COL4A5: variants seen among roughly 807,000 people sequenced by gnomAD.
COL4A5 encodes collagen alpha-5(IV) chain.
Under a neutral mutation model 130.2 loss-of-function variants are expected in COL4A5, and 26 were observed. The observed-to-expected ratio is 0.20, with a 90% CI of 0.15 to 0.28. The LOEUF (loss-of-function observed/expected upper bound fraction) is 0.28, where lower values mean the gene tolerates loss of function less well. COL4A5 is among the 10% of genes least tolerant of loss of function. The pLI, the probability that COL4A5 is intolerant of heterozygous loss-of-function variation, is 1.00. For synonymous variants in COL4A5, 496 were observed against 439.6 expected (o/e 1.13, Z -1.60); for missense variants, 1,131 against 1,344.3 (o/e 0.84, Z 2.48).
chrX:108,504,900 A>G (rs1311978340), intron 1 of COL4A5, among the ~76,000 whole-genome samples: 1 of 112,012 alleles, frequency 8.9e-6, no homozygotes, highest in Non-Finnish European at 1.9e-5. Context: ...TATCTGTCTA[A>G]AGGAAAATAA....
rs183042763 is a variant in COL4A5, at chrX:108,564,972, A to G, written c.276+1046A>G. 8.5e-3 allele frequency among the ~76,000 whole-genome samples: 911 copies of G among 107,105 alleles called. 7 individuals are homozygous for G. The highest frequency in any genetic ancestry group is 0.014 in the Non-Finnish European group (767 of 53,119). 93.0% of individuals were successfully genotyped at this position (107,105 alleles called of 115,157 possible). A position where few individuals can be genotyped will look rare whatever the true frequency, so the allele number is the denominator to read the frequency against. ...AAACCCTTAGTTTATTTCAGCAGACATAATTCTTTATTTTTCTGTTAAAAA... is the reference window on the plus strand; with the variant it reads ...AAACCCTTAGTTTATTTCAGCAGACGTAATTCTTTATTTTTCTGTTAAAAA... On this transcript the variant is annotated intron_variant, in intron 4 of 52. Transcript: ENST00000328300.
Position 108,624,349 on chromosome X carries a change from C to T in COL4A5, c.3016+15C>T. The T allele has an allele frequency of 9.0e-7, 1 of 1,112,035 alleles. No individual in the cohort carries two copies. The highest frequency in any genetic ancestry group is 1.2e-6 in the Non-Finnish European group (1 of 807,272). The allele number at this position is 1,112,035 out of a possible 1,213,427, so 91.6% of individuals were successfully genotyped here. A position where few individuals can be genotyped will look rare whatever the true frequency, so the allele number is the denominator to read the frequency against. ...AGGACCACCAGGTAAGTGTGATAGG[C>T]CATTTGTAGCAATTGCTTAGCTGAC... is the stretch of plus-strand genomic sequence containing the variant. On this transcript the variant is annotated intron_variant, in intron 34 of 52. Coordinates refer to ENST00000328300, the MANE Select transcript of COL4A5 (RefSeq NM_033380.3).
At chrX:108,658,293 G>A (rs937876404) in intron 37 of COL4A5, among the ~76,000 whole-genome samples, 3 of 110,983 alleles carry the variant, frequency 2.7e-5, no homozygotes, top group African/African-American at 9.8e-5. Flanking sequence ...GTATTCTTGG[G>A]ATAAACTCCA....
At position 108,575,942 on chromosome X, in the gene COL4A5, A is replaced by C; in HGVS notation, c.579A>C (p.Pro193=). The C allele has an allele frequency of 8.4e-7, 1 of 1,194,491 alleles. No homozygotes were observed. The highest frequency in any genetic ancestry group is 1.8e-5 in the South Asian group (1 of 55,768). Reference sequence around the variant, plus strand: ...CTGGTCCCACTGGTATACCAGGGCCAATTGGTCCCCCAGGACCACCAGGTT... The same window carrying C: ...CTGGTCCCACTGGTATACCAGGGCCCATTGGTCCCCCAGGACCACCAGGTT... The part of the protein sequence containing the change: ...GLPGPTGIPG[P]IGPPGPPGLM... Residue 193 remains proline, a synonymous_variant, in exon 10 of 53, where the codon CCA becomes CCC. Coordinates refer to ENST00000328300, the MANE Select transcript of COL4A5 (RefSeq NM_033380.3).
intron 28 of COL4A5, 39 bp downstream of exon 28, chrX:108,603,100 T>A: frequency 1.1e-6 from 1 of 887,749 alleles, no homozygotes; most frequent in Non-Finnish European, 1.6e-6. Flanking sequence ...CATTTTCTTA[T>A]CTTTCCCACC....
At chrX:108,677,177 ATTTAAC>A (rs952491505) in intron 43 of COL4A5, 3 of 119,699 alleles carry the variant, frequency 2.5e-5, no homozygotes, top group South Asian at 3.2e-4. Flanking sequence ...TTTCTGTTTA[ATTTAAC>A]TTTAAGTCAA....
chrX:108,607,606 C>T (rs1481306298), intron 29 of COL4A5, among the ~76,000 whole-genome samples: 1 of 105,897 alleles, frequency 9.4e-6, no homozygotes, highest in African/African-American at 3.5e-5. Context: ...GCCTCAGCCT[C>T]CTCAGTAGCT....
chrX:108,659,485 T>C (rs1054154799), intron 37 of COL4A5, among the ~76,000 whole-genome samples: 3 of 110,996 alleles, frequency 2.7e-5, no homozygotes, highest in African/African-American at 9.8e-5. Flanking sequence ...TACTGAGAGG[T>C]AGGTGTTAAA....
At chrX:108,695,563 A>T in intron 52 of COL4A5, 124 bp downstream of exon 52, 1 of 748,233 alleles carries the variant, frequency 1.3e-6, no homozygotes, top group Non-Finnish European at 2.0e-6. Flanking sequence ...TGTGTACTTT[A>T]TTCTTGCTTG....
At chrX:108,525,024 T>C (rs1293353847) in intron 1 of COL4A5, among the ~76,000 whole-genome samples, 4 of 112,133 alleles carry the variant, frequency 3.6e-5, no homozygotes, top group African/African-American at 1.3e-4. Flanking sequence ...TATAGTGTTG[T>C]TCAAGTCCTC....
intron 33 of COL4A5, among the ~76,000 whole-genome samples, chrX:108,624,028 A>G (rs2067105055): frequency 8.9e-6 from 1 of 112,182 alleles, no homozygotes; most frequent in African/African-American, 3.2e-5. Flanking sequence ...TGATTTCACT[A>G]CTGAGTGCTC....
intron 13 of COL4A5, 30 bp downstream of exon 13, chrX:108,578,413 A>T (rs1433716822): frequency 3.0e-6 from 3 of 1,012,878 alleles, no homozygotes; most frequent in Non-Finnish European, 4.2e-6. Context: ...GTCAATGAAA[A>T]TCTTGCTATG....
At chrX:108,573,493 T>C in intron 8 of COL4A5, 81 bp from the exon 9 acceptor site, 1 of 648,324 alleles carries the variant, frequency 1.5e-6, no homozygotes, top group Non-Finnish European at 2.6e-6. Context: ...ACAAATTGAA[T>C]CTTCAGATCA....
rs1246690456 is a variant in COL4A5, at chrX:108,620,429, A to G, written c.2677+3A>G. The G allele has an allele frequency of 8.3e-7, 1 of 1,200,095 alleles. No individual in the cohort carries two copies. The highest frequency in any genetic ancestry group is 1.1e-6 in the Non-Finnish European group (1 of 887,387). On this transcript the variant is annotated splice_donor_region_variant and intron_variant, in intron 31 of 52. Transcript: ENST00000328300. ...AGCAGGTGCCTCTGGATTTCCAGGT[A>G]ATTTGTTTAAAGTTTTCTCTGATTT...
At chrX:108,612,029 A>G (rs1309507916) in intron 29 of COL4A5, among the ~76,000 whole-genome samples, 1 of 111,694 alleles carries the variant, frequency 9.0e-6, no homozygotes, top group Non-Finnish European at 1.9e-5. Context: ...ATATCAACAG[A>G]GTAAAGAAGA....
intron 2 of COL4A5, among the ~76,000 whole-genome samples, chrX:108,551,986 A>G (rs1569485386): frequency 8.9e-6 from 1 of 112,022 alleles, no homozygotes; most frequent in East Asian, 2.8e-4. Flanking sequence ...TGTTCTCACT[A>G]ATAAGTGGGA....
At position 108,615,000 on chromosome X, in the gene COL4A5, A is replaced by G. The variant is rs2066901201; in HGVS notation, c.2485A>G (p.Ile829Val). The G allele has an allele frequency of 1.7e-6, 2 of 1,205,024 alleles. No homozygotes were observed. Among genetic ancestry groups the G allele is most frequent in the East Asian group, 5.9e-5 (2 of 33,821 alleles). Residue 829 changes from isoleucine (I) to valine (V), a missense_variant, in exon 30 of 53, where the codon ATT becomes GTT. Ile to Val is a conservative substitution (Grantham distance 29). Transcript: ENST00000328300. ...GVQGPPGPPGIPGPIGQPGLH... is the reference protein window; with the variant it reads ...GVQGPPGPPGVPGPIGQPGLH... ...TCAGGGACCACCAGGACCACCAGGG[A>G]TTCCTGGGCCAATAGGTCAACCTGG...
intron 1 of COL4A5, among the ~76,000 whole-genome samples, chrX:108,490,633 T>G (rs1292790323): frequency 8.9e-6 from 1 of 112,217 alleles, no homozygotes; most frequent in Non-Finnish European, 1.9e-5. Flanking sequence ...AATGAGTATT[T>G]TTATGTAAAT....
Position 108,598,733 on chromosome X carries a change from C to T in COL4A5, c.1811C>T (p.Pro604Leu). The change falls in exon 25 of 53, where the codon CCC (proline) becomes CTC (leucine). Residue 604 changes from proline (P) to leucine (L), a missense_variant. Pro to Leu is a moderately conservative substitution (Grantham distance 98). Transcript: ENST00000328300. ...GGITFKGERGPPGNPGLPGLP... is the reference protein window; with the variant it reads ...GGITFKGERGLPGNPGLPGLP... ...ATTACTTTTAAGGGTGAAAGAGGTC[C>T]CCCTGGGAACCCAGGTTTACCAGGC... The T allele has an allele frequency of 8.3e-7, 1 of 1,210,098 alleles. No individual in the cohort carries two copies. The highest frequency in any genetic ancestry group is 1.1e-6 in the Non-Finnish European group (1 of 894,716).
Sources: gnomAD v4.1 joint callset for allele counts (sites outside exome capture counted in the v4.1 genomes callset) on GRCh38, gnomAD v4.1.1 for gene constraint, MANE v1.5 for transcripts, NCBI Gene and HGNC (gene_info 2026-07-23, HGNC 2026-07-21) for gene names.